Variants in MACF1 observed in about 807,000 individuals in gnomAD.
MACF1 encodes microtubule actin crosslinking factor 1, also known as microtubule-actin cross-linking factor 1.
MACF1 carries 193 observed loss-of-function variants against 854.8 expected under a neutral mutation model. The observed-to-expected ratio is 0.23, with a 90% confidence interval of 0.20 to 0.25. The LOEUF (loss-of-function observed/expected upper bound fraction) is 0.25, where lower values mean the gene tolerates loss of function less well. Ranked by LOEUF, MACF1 falls within the 10% of genes least tolerant of loss-of-function variation. The pLI is 1.00. For synonymous variants in MACF1, 3,185 were observed against 3,226.7 expected (o/e 0.99, Z 0.44); for missense variants, 7,722 against 8,929.1 (o/e 0.86, Z 5.45).
intron 2 of MACF1, among the ~76,000 whole-genome samples, chr1:39,115,834 A>C (rs185937799): frequency 6.6e-6 from 1 of 152,200 alleles, no homozygotes; most frequent in Non-Finnish European, 1.5e-5. Context: ...GAAAGGTAAG[A>C]GGAACAGGAG....
chr1:39,335,438 T>C lies in MACF1; in HGVS notation c.8850T>C (p.Tyr2950=), dbSNP rs561317783. 1.9e-6 allele frequency: 3 copies of C among 1,614,186 alleles called. No homozygotes were observed. Among genetic ancestry groups the C allele is most frequent in the South Asian group, 1.1e-5 (1 of 91,082 alleles). Residue 2950 remains tyrosine (Y), a synonymous_variant, in exon 37 of 101, where the codon TAT becomes TAC. Transcript: ENST00000564288. ...GEVILEVQET[Y]CETSGKLPSE... ...TGATTTTGGAAGTACAAGAAACATA[T>C]TGTGAAACGTCAGGCAAATTGCCGA...
intron 2 of MACF1, among the ~76,000 whole-genome samples, chr1:39,138,563 C>T (rs1330432814): frequency 2.0e-5 from 3 of 149,292 alleles, no homozygotes; most frequent in Admixed American, 6.7e-5. Context: ...CCAGCCTAGG[C>T]GACAGAGAGA....
At chr1:39,107,638 G>A (rs553866936) in intron 2 of MACF1, among the ~76,000 whole-genome samples, 1 of 152,102 alleles carries the variant, frequency 6.6e-6, no homozygotes, top group Non-Finnish European at 1.5e-5. Flanking sequence ...AGAAATCCCC[G>A]TACTACCTTA....
intron 58 of MACF1, among the ~76,000 whole-genome samples, chr1:39,419,929 A>G (rs1174449659): frequency 1.1e-4 from 16 of 151,784 alleles, no homozygotes; most frequent in Non-Finnish European, 1.5e-5. Flanking sequence ...TGGCCTCCCA[A>G]AGTGCCAGGA....
rs1646496288 is a variant in MACF1, at chr1:39,320,615, GT to G, written c.4029+871del. The stretch of plus-strand genomic sequence containing the variant: ...TAATAAAATTCTAAATTCTTACATG[GT>G]TTATAAGGCCGTGAATGATTTAGCT... On this transcript the variant is annotated intron_variant, in intron 31 of 100. Transcript: ENST00000564288. 2.0e-5 allele frequency among the ~76,000 whole-genome samples: 3 copies of G among 152,230 alleles called. No homozygotes were observed. In the South Asian group the frequency reaches 6.2e-4, roughly 32 times the overall value.
Position 39,291,910 on chromosome 1 carries a change from A to G in MACF1, c.1786A>G (p.Met596Val). The G allele has an allele frequency of 6.2e-7, 1 of 1,610,538 alleles. No individual in the cohort carries two copies. The highest frequency in any genetic ancestry group is 1.7e-5 in the Admixed American group (1 of 58,972). ...CATATATATATTTTTTCTTTTTCAGATGAAACTGGAGCGAGCAGAGTGGGG... is the reference window on the plus strand; with the variant it reads ...CATATATATATTTTTTCTTTTTCAGGTGAAACTGGAGCGAGCAGAGTGGGG... ...ELLSWVEEMQ[M>V]KLERAEWGND... The change falls in exon 16 of 101, where the codon ATG becomes GTG. Residue 596 changes from methionine to valine, a missense_variant and splice_region_variant. Physicochemically the swap from Met to Val is conservative, Grantham distance 21. This residue lies in a region of MACF1 where 1,137 missense variants were observed against 1,263.0 expected (regional missense o/e 0.90). Coordinates refer to ENST00000564288, the MANE Select transcript of MACF1 (RefSeq NM_001394062.1).
intron 58 of MACF1, among the ~76,000 whole-genome samples, chr1:39,396,824 C>T (rs955027153): frequency 1.3e-5 from 2 of 152,196 alleles, no homozygotes; most frequent in Non-Finnish European, 2.9e-5. Flanking sequence ...AGGGCTGTCT[C>T]CTGCTGAATG....
At chr1:39,363,890 G>T (rs553301642) in intron 49 of MACF1, among the ~76,000 whole-genome samples, 8 of 152,110 alleles carry the variant, frequency 5.3e-5, no homozygotes, top group African/African-American at 1.2e-4. Context: ...GGGATTATAG[G>T]CATGAGCCAC....
chr1:39,093,001 G>A (rs1344826665), intron 2 of MACF1, among the ~76,000 whole-genome samples: 1 of 152,076 alleles, frequency 6.6e-6, no homozygotes, highest in Non-Finnish European at 1.5e-5. Flanking sequence ...GGCCAGGCTG[G>A]CCTTGAACTC....
chr1:39,211,862 CAG>C (rs1290608197), intron 1 of MACF1, among the ~76,000 whole-genome samples: 1 of 151,910 alleles, frequency 6.6e-6, no homozygotes, highest in Non-Finnish European at 1.5e-5. Context: ...GCCTGGGCAA[CAG>C]AGCAAGACTC....
At chr1:39,329,480 G>A (rs933670494) in intron 36 of MACF1, among the ~76,000 whole-genome samples, 1 of 152,136 alleles carries the variant, frequency 6.6e-6, no homozygotes, top group Non-Finnish European at 1.5e-5. Context: ...CAATGGATCA[G>A]CTCTTACAGA....
chr1:39,150,257 G>T (rs749936844), intron 2 of MACF1, among the ~76,000 whole-genome samples: 15 of 152,248 alleles, frequency 9.9e-5, no homozygotes, highest in Non-Finnish European at 2.1e-4. Flanking sequence ...GAGCTCAAGC[G>T]ATTCGCCCAC....
In MACF1 at chr1:39,434,543, T is replaced by G; in HGVS notation, c.17695T>G (p.Trp5899Gly). The G allele has an allele frequency of 3.7e-6, 6 of 1,614,170 alleles. No individual in the cohort carries two copies. Among genetic ancestry groups the G allele is most frequent in the Non-Finnish European group, 5.1e-6 (6 of 1,180,024 alleles). The stretch of plus-strand genomic sequence containing the variant: ...GGAAACTTATGAAGAGCTCAGCCCC[T>G]GGATTGAGGAAACTCGGGCACTAAT... ...FWETYEELSP[W>G]IEETRALIAQ... Residue 5899 changes from tryptophan (W) to glycine (G), a missense_variant, in exon 69 of 101, where the codon TGG becomes GGG. Physicochemically the swap from Trp to Gly is radical, Grantham distance 184. Transcript: ENST00000564288.
chr1:39,296,811 A>AAAGGAAGGAAGGAAGGAAGG (rs751164815), intron 20 of MACF1, among the ~76,000 whole-genome samples: 7 of 106,392 alleles, frequency 6.6e-5, no homozygotes, highest in African/African-American at 3.3e-4. Context: ...GAAAAGAAAG[A>AAAGGAAGGAAGGAAGGAAGG]AAGGAAGGAA....
chr1:39,414,230 C>T, intron 58 of MACF1: 2 of 1,614,026 alleles, frequency 1.2e-6, no homozygotes, highest in Non-Finnish European at 1.7e-6. Context: ...CCTGCCATCC[C>T]AGCTGCTGCA....
intron 2 of MACF1, among the ~76,000 whole-genome samples, chr1:39,150,654 A>G (rs967736734): frequency 1.3e-5 from 2 of 152,178 alleles, no homozygotes; most frequent in Non-Finnish European, 2.9e-5. Context: ...CCTCTCTGCT[A>G]CACTGAAATT....
rs1214530116 is a variant in MACF1, at chr1:39,477,102, CATATATACACTTAGTGTATATATATAT to C, written c.21959-2685_21959-2659del. Reference sequence around the variant, plus strand: ...ATATATATATATATACACACACACACATATATACACTTAGTGTATATATATATATATATACACACACACACACACACA... The same window carrying C: ...ATATATATATATATACACACACACACATATATACACACACACACACACACA... On this transcript the variant is annotated intron_variant, in intron 97 of 100. Transcript: ENST00000564288. 3.5e-5 allele frequency among the ~76,000 whole-genome samples: 4 copies of C among 112,894 alleles called. 1 individual carries two copies. The highest frequency in any genetic ancestry group is 9.1e-5 in the Admixed American group (1 of 11,030). 74.1% of individuals were successfully genotyped at this position (112,894 alleles called of 152,430 possible). A position where few individuals can be genotyped will look rare whatever the true frequency, so the allele number is the denominator to read the frequency against.
rs575669954 is a variant in MACF1 at position 39,393,929 on chromosome 1, C to T, written c.15816+5271C>T. On this transcript the variant is annotated intron_variant, in intron 58 of 100. Coordinates refer to ENST00000564288, the MANE Select transcript of MACF1 (RefSeq NM_001394062.1). ...AAAAGAAAGAAAGAGAAAGAAAGAA[C>T]GAACGAACGAACAATGGGAAAAATT... 9.9e-5 allele frequency among the ~76,000 whole-genome samples: 15 copies of T among 151,806 alleles called. 1 individual carries two copies. Among genetic ancestry groups the T allele is most frequent in the Non-Finnish European group, 1.5e-5 (1 of 67,876 alleles).
In MACF1 at chr1:39,335,792, G is replaced by A; in HGVS notation, c.9204G>A (p.Gln3068=). ...CTTTAACACTCTTCAGCTCTAAACA[G>A]GCCAATGAAGGAAAAGTAAACAATT... ...LDALTLFSSK[Q]ANEGKVNNLS... is the part of the protein sequence containing the mutation. Residue 3068 remains glutamine (Q), a synonymous_variant, in exon 37 of 101, where the codon CAG becomes CAA. Transcript: ENST00000564288. 6.2e-7 allele frequency: 1 copy of A among 1,614,112 alleles called. No individual in the cohort carries two copies. The highest frequency in any genetic ancestry group is 8.5e-7 in the Non-Finnish European group (1 of 1,180,006).
Sources: gnomAD v4.1 joint callset for allele counts (sites outside exome capture counted in the v4.1 genomes callset) on GRCh38, gnomAD v4.1.1 for gene constraint, gnomAD v4.1.1 regional missense constraint, MANE v1.5 for transcripts, NCBI Gene and HGNC (gene_info 2026-07-23, HGNC 2026-07-21) for gene names.